TESK2: variants seen among roughly 807,000 people sequenced by gnomAD.
The protein encoded by TESK2 is testis associated actin remodelling kinase 2.
Under a neutral mutation model 57.1 loss-of-function variants are expected in TESK2, and 39 were observed. The ratio of observed to expected loss-of-function variants is 0.68; its 90% CI spans 0.53 to 0.89. The LOEUF (loss-of-function observed/expected upper bound fraction) is 0.89, where lower values mean the gene tolerates loss of function less well. TESK2 is among the 40% of genes least tolerant of loss of function. The pLI is 0.00. For missense variants in TESK2, 646 were observed against 732.1 expected, an observed-to-expected ratio of 0.88 and a Z score of 1.36; for synonymous variants, 249 against 267.9, an observed-to-expected ratio of 0.93 and a Z score of 0.69.
intron 1 of TESK2, among the ~76,000 whole-genome samples, chr1:45,462,743 T>C (rs1652386158): frequency 6.6e-6 from 1 of 152,226 alleles, no homozygotes; most frequent in African/African-American, 2.4e-5. Context: ...TCCTTTCTTT[T>C]GGGTATATAT....
At chr1:45,406,228 C>T (rs1426850460) in intron 3 of TESK2, among the ~76,000 whole-genome samples, 1 of 152,134 alleles carries the variant, frequency 6.6e-6, no homozygotes, top group African/African-American at 2.4e-5. Flanking sequence ...AAGATCTTAT[C>T]TCAAAATAAA....
At chr1:45,356,568 T>A (rs1031868828) in intron 4 of TESK2, among the ~76,000 whole-genome samples, 2 of 145,920 alleles carry the variant, frequency 1.4e-5, no homozygotes, top group African/African-American at 5.1e-5. Flanking sequence ...TGAGCTAAGA[T>A]CATGCCAATG....
intron 4 of TESK2, among the ~76,000 whole-genome samples, chr1:45,362,822 G>C (rs1482712112): frequency 1.3e-5 from 2 of 152,018 alleles, no homozygotes; most frequent in Non-Finnish European, 2.9e-5. Context: ...AATGGGGCCA[G>C]TCTCTGCCCA....
rs1236836630 is a variant in TESK2, at chr1:45,382,973, G to T, written c.393+2939C>A. On this transcript the variant is annotated intron_variant, in intron 4 of 10. Transcript: ENST00000372086. The stretch of plus-strand genomic sequence containing the variant: ...AATTAATGTCTACAATTACAAAGAA[G>T]ACTCATGGAAATGGTTCAAGCCCAG... 2.0e-5 allele frequency among the ~76,000 whole-genome samples: 3 copies of T among 152,264 alleles called. No individual in the cohort carries two copies. In the East Asian group the frequency reaches 5.8e-4, roughly 29 times the overall value.
chr1:45,384,896 T>G lies in TESK2; in HGVS notation c.393+1016A>C, dbSNP rs12025302. Among the ~76,000 whole-genome samples, 154 of 152,204 alleles carry G rather than the reference T, an allele frequency of 1.0e-3. 1 individual carries two copies. The East Asian group carries it at 0.028, about 28-fold the overall frequency. On this transcript the variant is annotated intron_variant, in intron 4 of 10. Coordinates refer to ENST00000372086, the MANE Select transcript of TESK2 (RefSeq NM_007170.3). ...CATTCTGTCTTCTTTGGCTTTCCAT[T>G]TAAGAGGCAGGGCATAGCTGCACAC...
rs1309983365 is a variant in TESK2 at position 45,345,313 on chromosome 1, A to G, written c.1243T>C (p.Phe415Leu). Residue 415 changes from phenylalanine (F) to leucine (L), a missense_variant, in exon 11 of 11, where the codon TTT (phenylalanine) becomes CTT (leucine). Physicochemically the swap from Phe to Leu is conservative, Grantham distance 22. Coordinates refer to ENST00000372086, the MANE Select transcript of TESK2 (RefSeq NM_007170.3). ...ACAGACTTGCTGGGCAGGTCAAAAA[A>G]CTTGATCTTGCCCCCCATGAGGTCC... The part of the protein sequence containing the change: ...RQDLMGGKIK[F>L]FDLPSKSVIS... The G allele has an allele frequency of 6.2e-7, 1 of 1,614,038 alleles. No individual in the cohort carries two copies. Among genetic ancestry groups the G allele is most frequent in the Admixed American group, 1.7e-5 (1 of 60,026 alleles).
intron 1 of TESK2, among the ~76,000 whole-genome samples, chr1:45,486,748 G>A (rs1653491034): frequency 7.2e-6 from 1 of 139,772 alleles, no homozygotes; most frequent in African/African-American, 2.7e-5. Context: ...TGTTACTGAG[G>A]ATCCTGAGGT....
chr1:45,447,888 G>C (rs1336648760), intron 2 of TESK2, among the ~76,000 whole-genome samples: 1 of 151,956 alleles, frequency 6.6e-6, no homozygotes, highest in East Asian at 1.9e-4. Context: ...ATCATTGTCT[G>C]AAATGTCATT....
intron 3 of TESK2, among the ~76,000 whole-genome samples, chr1:45,419,122 T>G (rs1650360101): frequency 6.6e-6 from 1 of 151,630 alleles, no homozygotes; most frequent in South Asian, 2.1e-4. Flanking sequence ...GGACTACAGG[T>G]GCATGCCACC....
intron 1 of TESK2, among the ~76,000 whole-genome samples, chr1:45,459,259 G>A (rs549366380): frequency 6.6e-6 from 1 of 152,274 alleles, no homozygotes; most frequent in Non-Finnish European, 1.5e-5. Context: ...AATACTGCCT[G>A]GAAGGCAGAA....
At chr1:45,488,149 A>C (rs988612917) in intron 1 of TESK2, among the ~76,000 whole-genome samples, 2 of 152,112 alleles carry the variant, frequency 1.3e-5, no homozygotes, top group East Asian at 1.9e-4. Flanking sequence ...CCTGGGCTCA[A>C]GCGATCCTCC....
At chr1:45,381,890 G>T (rs1538970) in intron 4 of TESK2, among the ~76,000 whole-genome samples, 5 of 135,160 alleles carry the variant, frequency 3.7e-5, no homozygotes, top group Admixed American at 1.6e-4. Context: ...TTTTTAAGAG[G>T]TCTCTCTCTG....
At chr1:45,384,614 T>TTTTTTTTTTC (rs1648815317) in intron 4 of TESK2, among the ~76,000 whole-genome samples, 1 of 133,932 alleles carries the variant, frequency 7.5e-6, no homozygotes, top group Non-Finnish European at 1.6e-5. Flanking sequence ...TTTTTTTTTT[T>TTTTTTTTTTC]TTTTTTTTTT....
intron 4 of TESK2, among the ~76,000 whole-genome samples, chr1:45,364,811 C>T (rs557291006): frequency 3.2e-4 from 48 of 152,142 alleles, no homozygotes; most frequent in Non-Finnish European, 6.8e-4. Context: ...TCAAAGACAT[C>T]TCAGAGATTC....
intron 2 of TESK2, among the ~76,000 whole-genome samples, chr1:45,424,484 G>C (rs1468787976): frequency 6.6e-6 from 1 of 152,124 alleles, no homozygotes; most frequent in Non-Finnish European, 1.5e-5. Flanking sequence ...TGTACCTCTT[G>C]ACTGATGAAA....
rs74227013 is a variant in TESK2, at chr1:45,395,801, A to C, written c.345-9841T>G. ...ATCACCTTCCTATAGCATCATTTCC[A>C]AGCTTTAACTATGTTTTATCACATG... On this transcript the variant is annotated intron_variant, in intron 3 of 10. Coordinates refer to ENST00000372086, the MANE Select transcript of TESK2 (RefSeq NM_007170.3). Among the ~76,000 whole-genome samples the C allele has an allele frequency of 6.6e-4, 100 of 152,008 alleles. No individual in the cohort carries two copies. The East Asian group carries it at 0.014, about 21-fold the overall frequency.
chr1:45,415,127 C>T, intron 3 of TESK2: 4 of 1,487,342 alleles, frequency 2.7e-6, no homozygotes, highest in Non-Finnish European at 3.7e-6. Context: ...CAACAGAAAA[C>T]TTTTGTGCTC....
At chr1:45,447,874 G>C (rs903585615) in intron 2 of TESK2, among the ~76,000 whole-genome samples, 1 of 151,902 alleles carries the variant, frequency 6.6e-6, no homozygotes. Flanking sequence ...TTTATATGCA[G>C]TCCATCATTG....
At chr1:45,413,391 A>T (rs1184238433) in intron 3 of TESK2, among the ~76,000 whole-genome samples, 2 of 152,106 alleles carry the variant, frequency 1.3e-5, no homozygotes, top group Non-Finnish European at 2.9e-5. Flanking sequence ...TGGGGTCAAG[A>T]AAAAGAGAAC....
Sources: gnomAD v4.1 joint callset for allele counts (sites outside exome capture counted in the v4.1 genomes callset) on GRCh38, gnomAD v4.1.1 for gene constraint, MANE v1.5 for transcripts, NCBI Gene and HGNC (gene_info 2026-07-23, HGNC 2026-07-21) for gene names.